IL10RB: variants seen among roughly 807,000 people sequenced by gnomAD.
IL10RB encodes interleukin 10 receptor subunit beta.
Under a neutral mutation model 38.7 loss-of-function variants are expected in IL10RB, and 30 were observed. The ratio of observed to expected loss-of-function variants is 0.78; its 90% confidence interval spans 0.58 to 1.05. The LOEUF is 1.05. Ranked by LOEUF, IL10RB falls within the 50% of genes least tolerant of loss-of-function variation. The pLI, the probability that IL10RB is intolerant of heterozygous loss-of-function variation, is 0.00. For missense variants in IL10RB, 328 were observed against 397.1 expected (o/e 0.83, Z 1.48); for synonymous variants, 142 against 145.9 (o/e 0.97, Z 0.19).
intron 4 of IL10RB, among the ~76,000 whole-genome samples, chr21:33,281,460 C>T (rs1490673308): frequency 6.6e-6 from 1 of 152,234 alleles, no homozygotes; most frequent in African/African-American, 2.4e-5. Flanking sequence ...CATCTGGTTA[C>T]ACATTTGTCC....
chr21:33,278,222 A>G (rs1212250155), intron 3 of IL10RB, among the ~76,000 whole-genome samples: 2 of 151,920 alleles, frequency 1.3e-5, no homozygotes, highest in Non-Finnish European at 2.9e-5. Context: ...TCTTATCTCA[A>G]AAAAAGAAGT....
Position 33,292,382 on chromosome 21 carries a change from C to T in IL10RB, c.805-3802C>T, listed in dbSNP as rs76311723. ...TGCTAACCTTGCCATGAAACCAGGC[C>T]GGCCTTTCCTCCTACTTCTGCTAGG... On this transcript the variant is annotated intron_variant, in intron 6 of 6. Transcript: ENST00000290200. 8.6e-4 allele frequency among the ~76,000 whole-genome samples: 131 copies of T among 152,316 alleles called. No homozygotes were observed. The East Asian group carries it at 0.017, about 20-fold the overall frequency.
At chr21:33,304,558 C>T (rs908259454) in intron 1 of IL10RB, among the ~76,000 whole-genome samples, 1 of 152,204 alleles carries the variant, frequency 6.6e-6, no homozygotes, top group Non-Finnish European at 1.5e-5. Context: ...ATCACTGATA[C>T]TGTTTTCCTG....
chr21:33,273,159 A>G (rs1727746311), intron 2 of IL10RB, among the ~76,000 whole-genome samples: 1 of 152,178 alleles, frequency 6.6e-6, no homozygotes, highest in Non-Finnish European at 1.5e-5. Context: ...GGTTTAGCCT[A>G]TTGCCCCAGG....
intron 2 of IL10RB, among the ~76,000 whole-genome samples, chr21:33,273,832 C>G (rs1337864060): frequency 6.6e-6 from 1 of 152,218 alleles, no homozygotes; most frequent in Non-Finnish European, 1.5e-5. Flanking sequence ...TCATTAGAAA[C>G]AACTCTTCAT....
At chr21:33,271,032 T>C (rs1227272434) in intron 2 of IL10RB, among the ~76,000 whole-genome samples, 1 of 152,200 alleles carries the variant, frequency 6.6e-6, no homozygotes, top group African/African-American at 2.4e-5. Context: ...GTTTATCTTT[T>C]ATGTTAGCGA....
Position 33,276,601 on chromosome 21 carries a change from G to A in IL10RB, c.179G>A (p.Arg60Lys). 1 of 1,612,768 alleles carries A rather than the reference G, an allele frequency of 6.2e-7. No individual in the cohort carries two copies. Among genetic ancestry groups the A allele is most frequent in the Non-Finnish European group, 8.5e-7 (1 of 1,178,850 alleles). The change falls in exon 3 of 7, where the codon AGG becomes AAG. Residue 60 changes from arginine (R) to lysine (K), a missense_variant. Transcript: ENST00000290200. ...LTFTAQYLSYRIFQDKCMNTT... is the reference protein window; with the variant it reads ...LTFTAQYLSYKIFQDKCMNTT... Reference sequence around the variant, plus strand: ...CTATCTTTTTGATTGTGTAGTTATAGGATATTCCAAGATAAATGCATGAAT... The same window carrying A: ...CTATCTTTTTGATTGTGTAGTTATAAGATATTCCAAGATAAATGCATGAAT...
intron 2 of IL10RB, 30 bp downstream of exon 2, chr21:33,268,547 G>T (rs372917969): frequency 1.3e-6 from 2 of 1,513,010 alleles, no homozygotes; most frequent in East Asian, 2.3e-5. Context: ...TGGCAGGAAC[G>T]CACCGGAGGA....
At chr21:33,306,940 G>A (rs1378382626) in intron 1 of IL10RB, among the ~76,000 whole-genome samples, 1 of 152,040 alleles carries the variant, frequency 6.6e-6, no homozygotes, top group Non-Finnish European at 1.5e-5. Context: ...GGAGCTAAGC[G>A]CCTGGTAACC....
chr21:33,268,790 T>A (rs919845259), intron 2 of IL10RB, among the ~76,000 whole-genome samples: 5 of 152,200 alleles, frequency 3.3e-5, no homozygotes, highest in African/African-American at 1.2e-4. Context: ...TATGTAGATA[T>A]AATCAGCCAT....
Position 33,266,377 on chromosome 21 carries a change from G to T in IL10RB, c.-89G>T. The T allele has an allele frequency of 1.4e-6, 2 of 1,459,580 alleles. No homozygotes were observed. Among genetic ancestry groups the T allele is most frequent in the Non-Finnish European group, 1.8e-6 (2 of 1,082,696 alleles). The allele number at this position is 1,459,580 out of a possible 1,614,324, so 90.4% of individuals were successfully genotyped here. A position where few individuals can be genotyped will look rare whatever the true frequency, so the allele number is the denominator to read the frequency against. Reference sequence around the variant, plus strand: ...CACCCCGCCCCGCCCATCTCCGCTGGTTCCCGGAAGCCGCCGCGGACAAGC... The same window carrying T: ...CACCCCGCCCCGCCCATCTCCGCTGTTTCCCGGAAGCCGCCGCGGACAAGC... On this transcript the variant is annotated 5_prime_UTR_variant, in exon 1 of 7. Coordinates refer to ENST00000290200, the MANE Select transcript of IL10RB (RefSeq NM_000628.5).
intron 2 of IL10RB, among the ~76,000 whole-genome samples, chr21:33,271,065 C>T (rs1403652056): frequency 1.3e-5 from 2 of 152,190 alleles, no homozygotes; most frequent in African/African-American, 2.4e-5. Context: ...CATGAAGTGA[C>T]TTCATGAGGG....
intron 3 of IL10RB, among the ~76,000 whole-genome samples, chr21:33,278,295 T>C (rs570600992): frequency 1.8e-4 from 27 of 152,262 alleles, no homozygotes; most frequent in Admixed American, 1.7e-3. Flanking sequence ...ACCCCTACAG[T>C]TACATCCTCC....
intron 6 of IL10RB, chr21:33,293,987 T>C (rs920397971): frequency 2.1e-6 from 1 of 471,100 alleles, no homozygotes; most frequent in African/African-American, 2.0e-5. Flanking sequence ...TCACCTGCTA[T>C]TTTTGCTTCT....
Position 33,294,390 on chromosome 21 carries a change from C to CGTGTGT in IL10RB, c.805-1781_805-1776dup, listed in dbSNP as rs34889428. 1.2e-3 allele frequency among the ~76,000 whole-genome samples: 174 copies of CGTGTGT among 148,990 alleles called. 3 individuals carry two copies. The highest frequency in any genetic ancestry group is 4.1e-3 in the African/African-American group (168 of 40,680). ...CAGTTTGTGTGTGTGTGTGTGTGTG[C>CGTGTGT]GTGTGTGTGTGTGTGTGTCCAACCG... On this transcript the variant is annotated intron_variant, in intron 6 of 6. Transcript: ENST00000290200.
Position 33,296,272 on chromosome 21 carries a change from T to C in IL10RB, c.893T>C (p.Ile298Thr). ...GATGTTTTTGACAAGCTAAGTGTCA[T>C]TGCAGAAGACTCTGAGAGCGGCAAG... ...ENDVFDKLSV[I>T]AEDSESGKQN... The change falls in exon 7 of 7, where the codon ATT becomes ACT. Residue 298 changes from isoleucine to threonine, a missense_variant. By Grantham distance (89) the Ile-to-Thr change is moderately conservative. Transcript: ENST00000290200. 6.2e-7 allele frequency: 1 copy of C among 1,614,160 alleles called. No individual in the cohort carries two copies. Among genetic ancestry groups the C allele is most frequent in the Non-Finnish European group, 8.5e-7 (1 of 1,180,004 alleles).
At chr21:33,266,584 A>T in intron 1 of IL10RB, 70 bp downstream of exon 1, 1 of 1,455,450 alleles carries the variant, frequency 6.9e-7, no homozygotes, top group South Asian at 1.2e-5. Flanking sequence ...CCCTGATCCC[A>T]TCCCTGGGCG....
chr21:33,306,243 A>G (rs1296766241), intron 1 of IL10RB, among the ~76,000 whole-genome samples: 4 of 152,196 alleles, frequency 2.6e-5, no homozygotes, highest in Non-Finnish European at 4.4e-5. Flanking sequence ...AAGCAATATG[A>G]GAAAAGAATA....
chr21:33,276,750 G>A lies in IL10RB; in HGVS notation c.328G>A (p.Asp110Asn), dbSNP rs757581728. Residue 110 changes from aspartate (D) to asparagine (N), a missense_variant, in exon 3 of 7, where the codon GAC becomes AAC. By Grantham distance (23) the Asp-to-Asn change is conservative. Coordinates refer to ENST00000290200, the MANE Select transcript of IL10RB (RefSeq NM_000628.5). ...AAACATCACCTTCTGTCCTGTGGAT[G>A]ACAGTAAGCCATTTTGTTTTCCCTT... ...WVNITFCPVDDTIIGPPGMQV... is the reference protein window; with the variant it reads ...WVNITFCPVDNTIIGPPGMQV... 13 of 1,613,770 alleles carry A rather than the reference G, an allele frequency of 8.1e-6. No homozygotes were observed. The highest frequency in any genetic ancestry group is 1.6e-4 in the Middle Eastern group (1 of 6,062).
Sources: gnomAD v4.1 joint callset for allele counts (sites outside exome capture counted in the v4.1 genomes callset) on GRCh38, gnomAD v4.1.1 for gene constraint, MANE v1.5 for transcripts, NCBI Gene and HGNC (gene_info 2026-07-23, HGNC 2026-07-21) for gene names.